SMPD4: variants seen among roughly 807,000 people sequenced by gnomAD.
The protein encoded by SMPD4 is sphingomyelin phosphodiesterase 4.
SMPD4 carries 58 observed loss-of-function variants against 97.8 expected under a neutral mutation model. The observed-to-expected ratio is 0.59, with a 90% CI of 0.48 to 0.74. SMPD4 has a LOEUF of 0.74. Among genes scored for constraint, SMPD4 ranks in the 30% least tolerant of loss-of-function variants. The pLI is 0.00. For synonymous variants in SMPD4, 388 were observed against 450.0 expected (o/e 0.86, Z 1.74); for missense variants, 853 against 1,080.5 (o/e 0.79, Z 2.95).
chr2:130,160,199 AC>A (rs1687255257), intron 11 of SMPD4, among the ~76,000 whole-genome samples: 1 of 152,024 alleles, frequency 6.6e-6, no homozygotes, highest in Admixed American at 6.5e-5. Flanking sequence ...TGCTTTCTGG[AC>A]CACTGTCCTC....
Position 130,155,235 on chromosome 2 carries a change from C to T in SMPD4, c.1314G>A (p.Leu438=). The change falls in exon 15 of 20, where the codon CTG becomes CTA. Residue 438 remains leucine (L), a synonymous_variant. Transcript: ENST00000680298. ...CCACAAACAACTTGGTGTACATCAG[C>T]AGGTTCTCCTGGACAAAGGGTGCCC... ...EKWAPFVQEN[L]LMYTKLFVGF... 1 of 1,614,178 alleles carries T rather than the reference C, an allele frequency of 6.2e-7. No homozygotes were observed. Among genetic ancestry groups the T allele is most frequent in the Non-Finnish European group, 8.5e-7 (1 of 1,180,034 alleles).
At chr2:130,179,290 T>C (rs1300106328) in intron 1 of SMPD4, among the ~76,000 whole-genome samples, 4 of 151,412 alleles carry the variant, frequency 2.6e-5, no homozygotes, top group Non-Finnish European at 5.9e-5. Context: ...CCGGCTAATT[T>C]TTTTGTATTT....
chr2:130,153,600 G>T (rs1389537424), intron 17 of SMPD4, 102 bp downstream of exon 17: 2 of 1,551,298 alleles, frequency 1.3e-6, no homozygotes, highest in South Asian at 2.4e-5. Flanking sequence ...GTCCATATGT[G>T]TGGGGCCTGG....
chr2:130,181,460 G>A, intron 1 of SMPD4, 70 bp downstream of exon 1: 1 of 1,539,158 alleles, frequency 6.5e-7, no homozygotes, highest in African/African-American at 1.4e-5. Context: ...AACGGAGATG[G>A]CCTCCGCAGG....
At chr2:130,163,916 C>T (rs993802043) in intron 10 of SMPD4, among the ~76,000 whole-genome samples, 18 of 152,180 alleles carry the variant, frequency 1.2e-4, no homozygotes, top group Non-Finnish European at 8.8e-5. Context: ...GCTGCTTGCT[C>T]ATGCTCTGGA....
At chr2:130,168,652 C>T (rs1421032201) in intron 8 of SMPD4, among the ~76,000 whole-genome samples, 20 of 151,880 alleles carry the variant, frequency 1.3e-4, no homozygotes, top group Non-Finnish European at 2.2e-4. Context: ...AACACCACCA[C>T]GCCTGGCTGA....
intron 16 of SMPD4, 127 bp downstream of exon 16, chr2:130,154,150 G>A (rs1328438003): frequency 2.4e-6 from 3 of 1,243,886 alleles, no homozygotes; most frequent in Non-Finnish European, 3.3e-6. Flanking sequence ...CTAAAACGGG[G>A]GAAGGAGATA....
intron 1 of SMPD4, among the ~76,000 whole-genome samples, chr2:130,178,700 C>T (rs921618764): frequency 7.9e-5 from 12 of 151,044 alleles, no homozygotes; most frequent in African/African-American, 2.9e-4. Flanking sequence ...GAGGCTGAGG[C>T]ATGAGAAATG....
chr2:130,156,727 C>T, intron 12 of SMPD4, 52 bp from the exon 13 acceptor site: 1 of 1,584,372 alleles, frequency 6.3e-7, no homozygotes, highest in Non-Finnish European at 8.6e-7. Flanking sequence ...GGAGGCCCTG[C>T]TCACAGATGA....
At chr2:130,156,845 T>G (rs2443634) in intron 12 of SMPD4, 170 bp from the exon 13 acceptor site, 1 of 1,532,512 alleles carries the variant, frequency 6.5e-7, no homozygotes, top group Non-Finnish European at 8.8e-7. Flanking sequence ...TTCAGAGAGG[T>G]TAGGGAACAT....
At chr2:130,154,610 C>G in intron 15 of SMPD4, 128 bp from the exon 16 acceptor site, 1 of 1,329,064 alleles carries the variant, frequency 7.5e-7, no homozygotes, top group Non-Finnish European at 1.1e-6. Flanking sequence ...TCCTGAGGCC[C>G]TGCCTGGCAG....
chr2:130,156,182 A>G, intron 13 of SMPD4, 47 bp from the exon 14 acceptor site: 2 of 1,541,350 alleles, frequency 1.3e-6, no homozygotes, highest in Non-Finnish European at 1.8e-6. Flanking sequence ...GGGGCCAAAT[A>G]CTCGGTGGCC....
chr2:130,175,366 G>A (rs573567747), intron 2 of SMPD4, among the ~76,000 whole-genome samples: 7 of 152,220 alleles, frequency 4.6e-5, no homozygotes, highest in Non-Finnish European at 8.8e-5. Context: ...AAACCACAGA[G>A]TATAACTGAG....
In SMPD4 at chr2:130,157,431, G is replaced by C. The variant is rs187574477; in HGVS notation, c.952-35C>G. 570 of 1,610,552 alleles carry C rather than the reference G, an allele frequency of 3.5e-4. No individual in the cohort carries two copies. In the African/African-American group the frequency reaches 6.5e-3, roughly 18 times the overall value. Reference sequence around the variant, plus strand: ...GAAGGAGGGGTGAGGGCCTGGGAAGGAGCGTGGCACCCATAGCACTCCGCC... The same window carrying C: ...GAAGGAGGGGTGAGGGCCTGGGAAGCAGCGTGGCACCCATAGCACTCCGCC... On this transcript the variant is annotated intron_variant, in intron 11 of 19. Transcript: ENST00000680298.
intron 11 of SMPD4, among the ~76,000 whole-genome samples, chr2:130,160,161 TCACCCTCC>T (rs1558747503): frequency 6.6e-6 from 1 of 152,098 alleles, no homozygotes; most frequent in South Asian, 2.1e-4. Flanking sequence ...GTCTCGCTGG[TCACCCTCC>T]CACCATGGGG....
chr2:130,172,571 G>A, intron 7 of SMPD4, 54 bp downstream of exon 7: 2 of 1,613,804 alleles, frequency 1.2e-6, no homozygotes, highest in South Asian at 1.1e-5. Context: ...ACAAGTGCAG[G>A]GAAGCCCTGG....
intron 9 of SMPD4, among the ~76,000 whole-genome samples, chr2:130,165,819 C>G (rs1055574730): frequency 6.6e-6 from 1 of 152,150 alleles, no homozygotes; most frequent in Non-Finnish European, 1.5e-5. Flanking sequence ...TCCTTTCCTG[C>G]TGGGCCTCCC....
intron 1 of SMPD4, among the ~76,000 whole-genome samples, chr2:130,178,640 T>C (rs370842563): frequency 2.0e-5 from 3 of 151,480 alleles, no homozygotes; most frequent in Non-Finnish European, 4.4e-5. Flanking sequence ...ACTAAAAATA[T>C]AAAAATTAGC....
At position 130,174,909 on chromosome 2, in the gene SMPD4, T is replaced by TA. The variant is rs1411760422; in HGVS notation, c.126+4dup. 3 of 1,593,544 alleles carry TA rather than the reference T, an allele frequency of 1.9e-6. No homozygotes were observed. Among genetic ancestry groups the TA allele is most frequent in the Non-Finnish European group, 2.6e-6 (3 of 1,161,900 alleles). ...CTCCAAAGAGAGACGTTAGCAGAGC[T>TA]ATACCTTTGCTGGAAAGTCCTCAAT... On this transcript the variant is annotated splice_donor_region_variant and intron_variant, in intron 3 of 19. Coordinates refer to ENST00000680298, the MANE Select transcript of SMPD4 (RefSeq NM_017951.5).
Sources: gnomAD v4.1 joint callset for allele counts (sites outside exome capture counted in the v4.1 genomes callset) on GRCh38, gnomAD v4.1.1 for gene constraint, MANE v1.5 for transcripts, NCBI Gene and HGNC (gene_info 2026-07-23, HGNC 2026-07-21) for gene names.